FCAMR: variants seen among roughly 807,000 people sequenced by gnomAD.
FCAMR encodes the protein high affinity immunoglobulin alpha and immunoglobulin mu Fc receptor.
Under a neutral mutation model 52.2 loss-of-function variants are expected in FCAMR, and 51 were observed. The ratio of observed to expected loss-of-function variants is 0.98; its 90% CI spans 0.78 to 1.23. The LOEUF is 1.23. FCAMR is among the 50% of genes most tolerant of loss of function. The pLI is 0.00. For synonymous variants in FCAMR, 282 were observed against 262.0 expected (o/e 1.08, Z -0.74); for missense variants, 719 against 712.6 (o/e 1.01, Z -0.10).
rs775646044 is a variant in FCAMR at position 206,967,582 on chromosome 1, C to T, written c.108+1G>A. The T allele has an allele frequency of 2.4e-5, 39 of 1,613,920 alleles. No individual in the cohort carries two copies. Among genetic ancestry groups the T allele is most frequent in the South Asian group, 1.9e-4 (17 of 91,078 alleles). ...CAAGGGGTTGTTGTTACACAACTTA[C>T]GTGAGATTGTGGTAAAGTGCCAGCA... On this transcript the variant is annotated splice_donor_variant, in intron 2 of 7. Coordinates refer to ENST00000324852, the MANE Select transcript of FCAMR (RefSeq NM_001170631.2). LOFTEE classifies it high-confidence loss of function.
chr1:206,966,083 G>A (rs894379922), intron 3 of FCAMR, among the ~76,000 whole-genome samples: 2 of 152,176 alleles, frequency 1.3e-5, no homozygotes, highest in African/African-American at 4.8e-5. Context: ...GGAGAGGGGT[G>A]GAGAAGAGGG....
Position 206,960,430 on chromosome 1 carries a change from G to T in FCAMR, c.1446C>A (p.Ser482=). 2 of 1,496,686 alleles carry T rather than the reference G, an allele frequency of 1.3e-6. No homozygotes were observed. The highest frequency in any genetic ancestry group is 1.8e-6 in the Non-Finnish European group (2 of 1,122,300). 92.7% of individuals were successfully genotyped at this position (1,496,686 alleles called of 1,614,324 possible). The part of the protein sequence containing the change: ...GPWGPPGKES[S]VKRTFPEDES... ...AAGGTGCCTGGGGTTACCGCTTCAC[G>T]GAGGACTCCTTGCCAGGGGGTCCCC... The change falls in exon 6 of 8, where the codon TCC becomes TCA. Residue 482 remains serine, a synonymous_variant. Transcript: ENST00000324852.
intron 6 of FCAMR, 94 bp from the exon 7 acceptor site, chr1:206,959,891 G>C (rs1680432349): frequency 2.9e-6 from 3 of 1,044,798 alleles, no homozygotes; most frequent in Non-Finnish European, 4.5e-6. Flanking sequence ...TTACAGATTG[G>C]GGAGCTGAGG....
chr1:206,961,962 CA>C (rs1680523107), intron 5 of FCAMR, among the ~76,000 whole-genome samples: 1 of 152,344 alleles, frequency 6.6e-6, no homozygotes, highest in African/African-American at 2.4e-5. Context: ...TATTTCATGA[CA>C]TTTGGGGGAC....
At chr1:206,966,968 C>T (rs1045622475) in intron 3 of FCAMR, 84 bp downstream of exon 3, 1 of 1,355,112 alleles carries the variant, frequency 7.4e-7, no homozygotes, top group Non-Finnish European at 1.1e-6. Flanking sequence ...TTTACCATAC[C>T]AGCCTGTGAG....
intron 4 of FCAMR, among the ~76,000 whole-genome samples, chr1:206,965,241 G>A (rs17018405): frequency 0.18 from 27,637 of 152,094 alleles, 2,590 homozygotes; most frequent in East Asian, 0.33. Flanking sequence ...AAACATTTGA[G>A]AGGAGCAGGG....
At chr1:206,968,082 G>A (rs1316003997) in intron 1 of FCAMR, among the ~76,000 whole-genome samples, 3 of 152,236 alleles carry the variant, frequency 2.0e-5, no homozygotes, top group Non-Finnish European at 2.9e-5. Flanking sequence ...GCTCATGCCT[G>A]TAATCCCAGC....
intron 7 of FCAMR, chr1:206,958,958 C>T (rs1252431583): frequency 1.8e-6 from 1 of 570,260 alleles, no homozygotes; most frequent in South Asian, 1.5e-5. Flanking sequence ...AGTACTTAAA[C>T]CTGGGCATGT....
chr1:206,958,541 G>C lies in FCAMR; in HGVS notation c.1709C>G (p.Ala570Gly). Residue 570 changes from alanine to glycine, a missense_variant, in exon 8 of 8, where the codon GCC becomes GGC. Physicochemically the swap from Ala to Gly is moderately conservative, Grantham distance 60. Transcript: ENST00000324852. Reference protein sequence around the residue: ...DSLPAGASLTAPERNPGP With the variant: ...DSLPAGASLTGPERNPGP ...TCAGGGTCCTGGATTTCTCTCTGGG[G>C]CAGTCAGGCTGGCCCCAGCAGGAAG... is the stretch of plus-strand genomic sequence containing the variant. The C allele has an allele frequency of 3.7e-6, 6 of 1,612,674 alleles. No homozygotes were observed. The highest frequency in any genetic ancestry group is 5.1e-6 in the Non-Finnish European group (6 of 1,179,804).
rs565462436 is a variant in FCAMR at position 206,960,470 on chromosome 1, G to C, written c.1406C>G (p.Pro469Arg). 6.5e-7 allele frequency: 1 copy of C among 1,538,728 alleles called. No homozygotes were observed. Among genetic ancestry groups the C allele is most frequent in the East Asian group, 2.5e-5 (1 of 40,776 alleles). ...AGGGGGTCCCCAGGGTCCTACTGCCGGGGTCTGGCTCAGTGTTGCTTGGGG... is the reference window on the plus strand; with the variant it reads ...AGGGGGTCCCCAGGGTCCTACTGCCCGGGTCTGGCTCAGTGTTGCTTGGGG... The part of the protein sequence containing the change: ...RGPQATLSQT[P>R]AVGPWGPPGK... Residue 469 changes from proline (P) to arginine (R), a missense_variant, in exon 6 of 8, where the codon CCG (proline) becomes CGG (arginine). Physicochemically the swap from Pro to Arg is moderately radical, Grantham distance 103. Coordinates refer to ENST00000324852, the MANE Select transcript of FCAMR (RefSeq NM_001170631.2).
chr1:206,961,936 G>A (rs1680521885), intron 5 of FCAMR, among the ~76,000 whole-genome samples: 1 of 152,234 alleles, frequency 6.6e-6, no homozygotes, highest in Non-Finnish European at 1.5e-5. Flanking sequence ...CATTCTTGGA[G>A]CCGTCTCCAA....
At chr1:206,967,846 A>T (rs543870543) in intron 1 of FCAMR, among the ~76,000 whole-genome samples, 195 bp from the exon 2 acceptor site, 5 of 152,058 alleles carry the variant, frequency 3.3e-5, no homozygotes, top group Non-Finnish European at 5.9e-5. Flanking sequence ...CCTTCACCCC[A>T]CTGTGGTCTC....
rs140563378 is a variant in FCAMR, at chr1:206,960,485, G to A, written c.1391C>T (p.Thr464Ile). Reference protein sequence around the residue: ...AATGDRGPQATLSQTPAVGPW... With the variant: ...AATGDRGPQAILSQTPAVGPW... ...TCCTACTGCCGGGGTCTGGCTCAGT[G>A]TTGCTTGGGGACCTCTGTCTCCAGT... Residue 464 changes from threonine to isoleucine, a missense_variant, in exon 6 of 8, where the codon ACA becomes ATA. Transcript: ENST00000324852. The A allele has an allele frequency of 3.1e-4, 485 of 1,549,048 alleles. No homozygotes were observed. The highest frequency in any genetic ancestry group is 1.2e-3 in the Middle Eastern group (7 of 5,720).
chr1:206,960,502 G>A lies in FCAMR; in HGVS notation c.1374C>T (p.Asp458=). 6.4e-7 allele frequency: 1 copy of A among 1,551,080 alleles called. No homozygotes were observed. The highest frequency in any genetic ancestry group is 8.7e-7 in the Non-Finnish European group (1 of 1,146,744). The part of the protein sequence containing the change: ...AAGDLDAATG[D]RGPQATLSQT... ...GGCTCAGTGTTGCTTGGGGACCTCT[G>A]TCTCCAGTGGCAGCATCTAGGTCCC... Residue 458 remains aspartate, a synonymous_variant, in exon 6 of 8, where the codon GAC becomes GAT. Coordinates refer to ENST00000324852, the MANE Select transcript of FCAMR (RefSeq NM_001170631.2).
chr1:206,969,995 G>A lies in FCAMR; in HGVS notation c.39+92C>T. ...AAGGAGCCCACCTGCTCTGGGAAGG[G>A]CACTGAGGAGCATGTGTGACAGCTA... On this transcript the variant is annotated intron_variant, in intron 1 of 7. Coordinates refer to ENST00000324852, the MANE Select transcript of FCAMR (RefSeq NM_001170631.2). 2.0e-6 allele frequency: 3 copies of A among 1,506,426 alleles called. No homozygotes were observed. The South Asian group carries it at 3.4e-5, about 17-fold the overall frequency. 93.3% of individuals were successfully genotyped at this position (1,506,426 alleles called of 1,614,324 possible).
At chr1:206,967,718 T>C in intron 1 of FCAMR, 67 bp from the exon 2 acceptor site, 1 of 1,455,072 alleles carries the variant, frequency 6.9e-7, no homozygotes, top group Non-Finnish European at 9.7e-7. Context: ...TATGCCTCGG[T>C]TAGTAACAAG....
intron 3 of FCAMR, 113 bp from the exon 4 acceptor site, chr1:206,965,971 C>T (rs1403927257): frequency 2.0e-5 from 28 of 1,418,444 alleles, no homozygotes; most frequent in Non-Finnish European, 2.5e-5. Flanking sequence ...CCAGATAGCT[C>T]CAGGCCATCC....
At chr1:206,966,774 A>G (rs1163416798) in intron 3 of FCAMR, among the ~76,000 whole-genome samples, 4 of 152,178 alleles carry the variant, frequency 2.6e-5, no homozygotes, top group African/African-American at 9.7e-5. Flanking sequence ...ATTTCCATTC[A>G]TTCATTAATT....
rs1189453584 is a variant in FCAMR at position 206,961,180 on chromosome 1, C to A, written c.696G>T (p.Glu232Asp). Reference sequence around the variant, plus strand: ...CTGTTCCATAGGATCTCATGGTGAGCTCCCCAGCAGCTGGAGTGGCTGTGG... The same window carrying A: ...CTGTTCCATAGGATCTCATGGTGAGATCCCCAGCAGCTGGAGTGGCTGTGG... The part of the protein sequence containing the change: ...TLPTATPAAG[E>D]LTMRSYGTAS... Residue 232 changes from glutamate (E) to aspartate (D), a missense_variant, in exon 6 of 8, where the codon GAG (glutamate) becomes GAT (aspartate). Transcript: ENST00000324852. 3 of 1,551,346 alleles carry A rather than the reference C, an allele frequency of 1.9e-6. No individual in the cohort carries two copies. Among genetic ancestry groups the A allele is most frequent in the Admixed American group, 3.9e-5 (2 of 50,978 alleles).
Sources: gnomAD v4.1 joint callset for allele counts (sites outside exome capture counted in the v4.1 genomes callset) on GRCh38, gnomAD v4.1.1 for gene constraint, MANE v1.5 for transcripts, NCBI Gene and HGNC (gene_info 2026-07-23, HGNC 2026-07-21) for gene names.